The following BTBD9 variants were observed in gnomAD, a reference collection of about 807,000 sequenced individuals.
BTBD9 encodes the protein BTB/POZ domain-containing protein 9.
Under a neutral mutation model 64.3 loss-of-function variants are expected in BTBD9, and 49 were observed. The observed-to-expected ratio is 0.76, with a 90% CI of 0.61 to 0.97. The LOEUF (loss-of-function observed/expected upper bound fraction) is 0.97. Among genes scored for constraint, BTBD9 ranks in the 50% least tolerant of loss-of-function variants. The pLI, the probability that BTBD9 is intolerant of heterozygous loss-of-function variation, is 0.00. For missense variants in BTBD9, 598 were observed against 762.1 expected (o/e 0.78, Z 2.53); for synonymous variants, 260 against 274.7 (o/e 0.95, Z 0.53).
At chr6:38,263,612 T>C (rs1490327993) in intron 8 of BTBD9, among the ~76,000 whole-genome samples, 1 of 152,144 alleles carries the variant, frequency 6.6e-6, no homozygotes, top group Non-Finnish European at 1.5e-5. Flanking sequence ...ATACAGGCAT[T>C]CTGGGGTGAG....
intron 6 of BTBD9, chr6:38,504,481 C>T: frequency 2.2e-6 from 1 of 454,350 alleles, no homozygotes; most frequent in East Asian, 6.9e-5. Flanking sequence ...CTTTAGACCA[C>T]ATCTCCTCTT....
intron 6 of BTBD9, among the ~76,000 whole-genome samples, chr6:38,417,733 A>T (rs1437017404): frequency 6.6e-6 from 1 of 151,456 alleles, no homozygotes; most frequent in Non-Finnish European, 1.5e-5. Context: ...TGATTGCGCC[A>T]CTGCATTCCA....
intron 6 of BTBD9, among the ~76,000 whole-genome samples, chr6:38,574,268 G>A (rs1019125356): frequency 1.2e-4 from 19 of 152,140 alleles, no homozygotes; most frequent in Non-Finnish European, 2.4e-4. Flanking sequence ...TGAGGTGAAT[G>A]CTGACTGAAT....
chr6:38,284,740 G>A (rs1458383590), intron 8 of BTBD9, among the ~76,000 whole-genome samples: 3 of 152,162 alleles, frequency 2.0e-5, no homozygotes, highest in Admixed American at 2.0e-4. Flanking sequence ...TGGGATTACT[G>A]AAGAGGGATC....
At chr6:38,459,209 C>T (rs1769960764) in intron 6 of BTBD9, among the ~76,000 whole-genome samples, 1 of 151,898 alleles carries the variant, frequency 6.6e-6, no homozygotes, top group South Asian at 2.1e-4. Context: ...AGTAGAGACA[C>T]GGTTTCACCA....
intron 6 of BTBD9, among the ~76,000 whole-genome samples, chr6:38,533,783 T>G (rs375630431): frequency 1.3e-5 from 2 of 152,178 alleles, no homozygotes; most frequent in East Asian, 1.9e-4. Flanking sequence ...ATGCTCTGAA[T>G]GACCAGTGAG....
chr6:38,299,271 G>C (rs555096708), intron 7 of BTBD9, among the ~76,000 whole-genome samples: 1 of 152,268 alleles, frequency 6.6e-6, no homozygotes, highest in South Asian at 2.1e-4. Flanking sequence ...GGACATTTGG[G>C]TTGGTTCCAA....
chr6:38,582,166 T>C (rs1776317239), intron 4 of BTBD9, among the ~76,000 whole-genome samples: 1 of 152,200 alleles, frequency 6.6e-6, no homozygotes, highest in Admixed American at 6.5e-5. Context: ...CAAAAGACTG[T>C]AGCAACCCAG....
At chr6:38,318,669 C>G (rs753300963) in intron 7 of BTBD9, among the ~76,000 whole-genome samples, 17 of 152,194 alleles carry the variant, frequency 1.1e-4, no homozygotes, top group Non-Finnish European at 4.4e-5. Flanking sequence ...AAGAGTGACA[C>G]AAACACCGCT....
In BTBD9 at chr6:38,618,372, T is replaced by C. The variant is rs1043772646; in HGVS notation, c.-27-20251A>G. Among the ~76,000 whole-genome samples the C allele has an allele frequency of 3.3e-5, 5 of 152,270 alleles. No individual in the cohort carries two copies. The East Asian group carries it at 5.8e-4, about 18-fold the overall frequency. Reference sequence around the variant, plus strand: ...AAGAGGGAAGGCAAATGGAGTGAAATACCTTATGTCCAAGCTTTCTTTTCA... The same window carrying C: ...AAGAGGGAAGGCAAATGGAGTGAAACACCTTATGTCCAAGCTTTCTTTTCA... On this transcript the variant is annotated intron_variant, in intron 1 of 10. Transcript: ENST00000481247.
intron 9 of BTBD9, among the ~76,000 whole-genome samples, chr6:38,212,386 G>C (rs1169160787): frequency 6.6e-6 from 1 of 152,184 alleles, no homozygotes; most frequent in Admixed American, 6.5e-5. Flanking sequence ...CTGCGCTGGG[G>C]GACAGGAAGG....
intron 1 of BTBD9, among the ~76,000 whole-genome samples, chr6:38,619,925 T>C (rs970057688): frequency 4.6e-5 from 7 of 152,172 alleles, no homozygotes; most frequent in Non-Finnish European, 1.0e-4. Context: ...CTATTATCTA[T>C]ATGAATATGG....
At chr6:38,598,925 A>G (rs190738137) in intron 1 of BTBD9, among the ~76,000 whole-genome samples, 11 of 151,766 alleles carry the variant, frequency 7.2e-5, no homozygotes, top group Admixed American at 7.2e-4. Flanking sequence ...CTCAAAAAAA[A>G]TAATAATAAT....
chr6:38,560,641 G>A (rs994977777), intron 6 of BTBD9, among the ~76,000 whole-genome samples: 3 of 151,904 alleles, frequency 2.0e-5, no homozygotes, highest in Non-Finnish European at 4.4e-5. Context: ...AGGCAAATCC[G>A]TGTTACAGGG....
chr6:38,253,114 A>AAAC (rs376665071), intron 9 of BTBD9, among the ~76,000 whole-genome samples: 23,304 of 151,076 alleles, frequency 0.15, 2,200 homozygotes, highest in East Asian at 0.44. Context: ...ACTCTGTCTC[A>AAAC]AACAACAACA....
intron 8 of BTBD9, among the ~76,000 whole-genome samples, chr6:38,268,339 C>T (rs1765085515): frequency 6.6e-6 from 1 of 152,212 alleles, no homozygotes; most frequent in South Asian, 2.1e-4. Flanking sequence ...TGCCATGGCT[C>T]CTCCCTGTTC....
chr6:38,421,198 A>C (rs964968360), intron 6 of BTBD9, among the ~76,000 whole-genome samples: 1 of 151,014 alleles, frequency 6.6e-6, no homozygotes, highest in African/African-American at 2.4e-5. Flanking sequence ...ACTAAAAATA[A>C]AAAAAAAATT....
At chr6:38,593,780 G>A (rs1290423348) in intron 3 of BTBD9, among the ~76,000 whole-genome samples, 184 bp downstream of exon 3, 2 of 152,250 alleles carry the variant, frequency 1.3e-5, no homozygotes, top group Non-Finnish European at 2.9e-5. Flanking sequence ...CAACCAACCA[G>A]CCCCTCTCTT....
At chr6:38,208,005 AAGCAGAGCCTAAGAAAGGG>A (rs1762715104) in intron 9 of BTBD9, among the ~76,000 whole-genome samples, 1 of 152,168 alleles carries the variant, frequency 6.6e-6, no homozygotes, top group African/African-American at 2.4e-5. Context: ...CAATTAAAAA[AAGCAGAGCCTAAGAAAGGG>A]AGCAGAGCCT....
Sources: gnomAD v4.1 joint callset for allele counts (sites outside exome capture counted in the v4.1 genomes callset) on GRCh38, gnomAD v4.1.1 for gene constraint, MANE v1.5 for transcripts, NCBI Gene and HGNC (gene_info 2026-07-23, HGNC 2026-07-21) for gene names.